MSRB3: variants seen among roughly 807,000 people sequenced by gnomAD.
MSRB3 encodes methionine-R-sulfoxide reductase B3.
Under a neutral mutation model 21.0 loss-of-function variants are expected in MSRB3, and 13 were observed. That is an observed-to-expected ratio of 0.62 (90% CI 0.40 to 0.98). MSRB3 has a LOEUF of 0.98. Among genes scored for constraint, MSRB3 ranks in the 50% least tolerant of loss-of-function variants. The pLI is 0.00. For synonymous variants in MSRB3, 87 were observed against 88.6 expected (o/e 0.98, Z 0.10); for missense variants, 199 against 230.3 (o/e 0.86, Z 0.88).
chr12:65,352,334 A>G (rs1425684674), intron 4 of MSRB3, among the ~76,000 whole-genome samples: 7 of 151,318 alleles, frequency 4.6e-5, no homozygotes, highest in Admixed American at 2.6e-4. Flanking sequence ...AGAGCTATCT[A>G]TGAGAAACCC....
intron 2 of MSRB3, among the ~76,000 whole-genome samples, chr12:65,322,007 A>T (rs1174982796): frequency 1.3e-5 from 2 of 152,146 alleles, no homozygotes; most frequent in East Asian, 3.8e-4. Context: ...AAGTTATGGG[A>T]TCCTTAGGTT....
chr12:65,305,994 C>T (rs1340567509), intron 1 of MSRB3, among the ~76,000 whole-genome samples: 1 of 152,134 alleles, frequency 6.6e-6, no homozygotes, highest in East Asian at 1.9e-4. Flanking sequence ...GTACCAAGCA[C>T]TTTTAACCAA....
At chr12:65,447,432 C>T (rs1230924017) in intron 5 of MSRB3, among the ~76,000 whole-genome samples, 1 of 152,094 alleles carries the variant, frequency 6.6e-6, no homozygotes, top group Non-Finnish European at 1.5e-5. Flanking sequence ...TTAATATTCT[C>T]AGAAATATTT....
chr12:65,359,110 A>G (rs944302617), intron 4 of MSRB3, among the ~76,000 whole-genome samples: 1 of 152,072 alleles, frequency 6.6e-6, no homozygotes, highest in Non-Finnish European at 1.5e-5. Flanking sequence ...TTACCATTAT[A>G]TATAATAAGT....
At chr12:65,388,299 C>A (rs1318120753) in intron 5 of MSRB3, among the ~76,000 whole-genome samples, 2 of 152,002 alleles carry the variant, frequency 1.3e-5, no homozygotes, top group Non-Finnish European at 2.9e-5. Context: ...CCCACCCCCA[C>A]ACCCCTGCCC....
chr12:65,421,429 T>C (rs1277512900), intron 5 of MSRB3, among the ~76,000 whole-genome samples: 3 of 152,232 alleles, frequency 2.0e-5, no homozygotes. Context: ...TTTACTCTGT[T>C]GATAGTTTCT....
chr12:65,401,925 G>A (rs765459761), intron 5 of MSRB3, among the ~76,000 whole-genome samples: 4 of 152,188 alleles, frequency 2.6e-5, no homozygotes, highest in Non-Finnish European at 4.4e-5. Context: ...CTTTAAGAAT[G>A]TTGAATATTG....
intron 5 of MSRB3, among the ~76,000 whole-genome samples, chr12:65,369,876 C>G (rs1289406823): frequency 6.6e-6 from 1 of 152,152 alleles, no homozygotes; most frequent in East Asian, 1.9e-4. Flanking sequence ...GTTCAAGTTT[C>G]ACTATATGGT....
intron 5 of MSRB3, among the ~76,000 whole-genome samples, chr12:65,410,021 T>G (rs1880632145): frequency 6.6e-6 from 1 of 152,174 alleles, no homozygotes; most frequent in South Asian, 2.1e-4. Context: ...TTGAATATTT[T>G]CATTCTTTAT....
At chr12:65,317,368 C>A (rs1364643116) in intron 2 of MSRB3, among the ~76,000 whole-genome samples, 5 of 152,250 alleles carry the variant, frequency 3.3e-5, no homozygotes, top group African/African-American at 1.2e-4. Context: ...ATAGTTTGGC[C>A]ACTTTCTCCC....
At chr12:65,355,874 T>C (rs901621153) in intron 4 of MSRB3, among the ~76,000 whole-genome samples, 10 of 151,884 alleles carry the variant, frequency 6.6e-5, no homozygotes, top group Admixed American at 6.6e-4. Context: ...TTGCTCTTGA[T>C]TGAGGTTCAA....
intron 5 of MSRB3, among the ~76,000 whole-genome samples, chr12:65,388,503 A>G (rs372551592): frequency 7.9e-5 from 12 of 152,352 alleles, no homozygotes; most frequent in African/African-American, 2.9e-4. Flanking sequence ...AGTTTGAGAA[A>G]TTAATGATTA....
chr12:65,423,798 T>A (rs538409074), intron 5 of MSRB3, among the ~76,000 whole-genome samples: 1 of 152,318 alleles, frequency 6.6e-6, no homozygotes, highest in East Asian at 1.9e-4. Flanking sequence ...CTATAGTTTC[T>A]TTTCTTGTAA....
chr12:65,449,609 G>C (rs973309891), intron 5 of MSRB3, among the ~76,000 whole-genome samples: 1 of 152,100 alleles, frequency 6.6e-6, no homozygotes, highest in Non-Finnish European at 1.5e-5. Flanking sequence ...GATTCATTGC[G>C]TTCAAACTTA....
chr12:65,303,155 G>T (rs1226891727), intron 1 of MSRB3, among the ~76,000 whole-genome samples: 1 of 152,030 alleles, frequency 6.6e-6, no homozygotes. Flanking sequence ...ATTGGGAAGG[G>T]ATTCGACCTT....
chr12:65,461,764 T>C (rs1883342474), intron 6 of MSRB3, among the ~76,000 whole-genome samples: 1 of 152,182 alleles, frequency 6.6e-6, no homozygotes, highest in African/African-American at 2.4e-5. Context: ...ATACACCAAA[T>C]CAGCACAGTG....
chr12:65,340,388 A>G (rs1486782821), intron 4 of MSRB3, among the ~76,000 whole-genome samples: 1 of 152,192 alleles, frequency 6.6e-6, no homozygotes, highest in African/African-American at 2.4e-5. Flanking sequence ...AATTAGAGCC[A>G]CAGAAAGGGA....
chr12:65,341,604 AGTAATGACCCCGATGTG>A (rs1876148181), intron 4 of MSRB3, among the ~76,000 whole-genome samples: 1 of 152,092 alleles, frequency 6.6e-6, no homozygotes, highest in African/African-American at 2.4e-5. Flanking sequence ...AAATGCTTGC[AGTAATGACCCCGATGTG>A]GTAATTATGC....
intron 5 of MSRB3, chr12:65,419,486 C>A: frequency 1.3e-6 from 1 of 742,176 alleles, no homozygotes; most frequent in South Asian, 1.4e-5. Flanking sequence ...ATGTCGCTCT[C>A]CACAGACTGG....
Sources: allele counts gnomAD v4.1 joint callset (sites outside exome capture counted in the v4.1 genomes callset), GRCh38; gene constraint gnomAD v4.1.1; transcripts MANE v1.5; gene names NCBI Gene and HGNC (gene_info 2026-07-23, HGNC 2026-07-21).